ATXN8OS: variants seen among roughly 807,000 people sequenced by gnomAD.
ATXN8OS encodes the protein ATXN8 opposite strand lncRNA.
chr13:70,152,347 CTGTG>C (rs10556377), intron 4 of ATXN8OS, among the ~76,000 whole-genome samples: 8,395 of 151,262 alleles, frequency 0.055, 437 homozygotes, highest in East Asian at 0.29. Context: ...CACTCTGTAC[CTGTG>C]TGTGTGTGTA....
intron 4 of ATXN8OS, among the ~76,000 whole-genome samples, chr13:70,149,130 T>G (rs1316898057): frequency 6.6e-6 from 1 of 152,146 alleles, no homozygotes; most frequent in African/African-American, 2.4e-5. Flanking sequence ...AATTTAATAT[T>G]AATTGTTTTG....
intron 4 of ATXN8OS, among the ~76,000 whole-genome samples, chr13:70,162,157 G>A: frequency 6.6e-6 from 1 of 152,068 alleles, no homozygotes; most frequent in East Asian, 1.9e-4. Context: ...CCTCTAATAA[G>A]TACATACGCT....
At chr13:70,145,407 T>A (rs1888768519) in intron 3 of ATXN8OS, among the ~76,000 whole-genome samples, 8 of 151,624 alleles carry the variant, frequency 5.3e-5, no homozygotes, top group Admixed American at 3.9e-4. Context: ...GGTAGCTTGA[T>A]GGGGATGGCA....
At chr13:70,107,902 T>A (rs929672585) in exon 1 of ATXN8OS, 2 of 523,520 alleles carry the variant, frequency 3.8e-6, no homozygotes, top group Non-Finnish European at 6.6e-6. Flanking sequence ...GTTTCAGCCG[T>A]GGTCGGGTCC....
chr13:70,131,977 C>A lies in ATXN8OS; in HGVS notation n.499+2093C>A, dbSNP rs536373642. ...TCTAAACACGTTTGCATGGCACATA[C>A]CTATATGTGTTCCAAATAGATAACA... On this transcript the variant is annotated intron_variant and non_coding_transcript_variant, in intron 3 of 4. Coordinates refer to ENST00000678624, the Ensembl canonical transcript of ATXN8OS. Among the ~76,000 whole-genome samples, 7 of 152,210 alleles carry A rather than the reference C, an allele frequency of 4.6e-5. No individual in the cohort carries two copies. In the South Asian group the frequency reaches 1.5e-3, roughly 32 times the overall value.
chr13:70,144,521 A>G (rs188860228), intron 3 of ATXN8OS, among the ~76,000 whole-genome samples: 1 of 152,260 alleles, frequency 6.6e-6, no homozygotes, highest in Admixed American at 6.5e-5. Context: ...AATTCAATCA[A>G]TGTTTTCAGT....
chr13:70,136,857 T>G (rs2137487999), intron 3 of ATXN8OS, among the ~76,000 whole-genome samples: 1 of 152,300 alleles, frequency 6.6e-6, no homozygotes, highest in Non-Finnish European at 1.5e-5. Context: ...TGAACAGAAC[T>G]ACTTAAAACT....
rs1437418822 is a variant in ATXN8OS at position 70,146,665 on chromosome 13, C to CA, written n.500-684dup. On this transcript the variant is annotated intron_variant and non_coding_transcript_variant, in intron 3 of 4. Transcript: ENST00000678624. ...CATTCTCAGCAAACTATCACAAGGA[C>CA]AAAAAACCAAACACTGCATGTTCTC... Among the ~76,000 whole-genome samples the CA allele has an allele frequency of 5.5e-4, 81 of 146,666 alleles. 3 individuals carry two copies. The highest frequency in any genetic ancestry group is 5.0e-3 in the Admixed American group (71 of 14,244).
chr13:70,154,332 AATTC>A (rs1380765328), intron 4 of ATXN8OS, among the ~76,000 whole-genome samples: 3 of 152,144 alleles, frequency 2.0e-5, no homozygotes, highest in African/African-American at 2.4e-5. Context: ...ATTTCTACCC[AATTC>A]CAACTCCATC....
intron 3 of ATXN8OS, among the ~76,000 whole-genome samples, chr13:70,133,231 C>A (rs538011465): frequency 6.6e-6 from 1 of 152,050 alleles, no homozygotes. Context: ...CATGGTGAGA[C>A]CTTGTGTCTA....
At chr13:70,138,875 T>C (rs757123777) in intron 3 of ATXN8OS, among the ~76,000 whole-genome samples, 3 of 152,150 alleles carry the variant, frequency 2.0e-5, no homozygotes, top group Non-Finnish European at 4.4e-5. Flanking sequence ...CAAGTAGTTA[T>C]AGTGGTTGAT....
intron 3 of ATXN8OS, among the ~76,000 whole-genome samples, chr13:70,146,279 G>A (rs201388721): frequency 0.055 from 7,926 of 143,808 alleles, 311 homozygotes; most frequent in East Asian, 0.24. Flanking sequence ...TGCTGGAGAG[G>A]ATGTGGAGAA....
chr13:70,151,444 T>C (rs1243174296), intron 4 of ATXN8OS, among the ~76,000 whole-genome samples: 4 of 152,094 alleles, frequency 2.6e-5, no homozygotes, highest in Non-Finnish European at 5.9e-5. Context: ...GGTTCATCTA[T>C]TTTTGCTGTA....
chr13:70,161,350 AT>A (rs1566619148), intron 4 of ATXN8OS, among the ~76,000 whole-genome samples: 1 of 152,032 alleles, frequency 6.6e-6, no homozygotes. Flanking sequence ...ATTAACATAA[AT>A]TTTTTTCACC....
chr13:70,162,187 T>C (rs1487267267), intron 4 of ATXN8OS, among the ~76,000 whole-genome samples: 1 of 152,144 alleles, frequency 6.6e-6, no homozygotes, highest in South Asian at 2.1e-4. Flanking sequence ...TTTGAAGACG[T>C]TGCATTTCTT....
chr13:70,140,718 C>T lies in ATXN8OS; in HGVS notation n.500-6637C>T, dbSNP rs113369315. Reference sequence around the variant, plus strand: ...GATGAACTTTCTTTGTTTTTCTATGCATGTGGTGAAAAATGGTTTTATATC... The same window carrying T: ...GATGAACTTTCTTTGTTTTTCTATGTATGTGGTGAAAAATGGTTTTATATC... On this transcript the variant is annotated intron_variant and non_coding_transcript_variant, in intron 3 of 4. Transcript: ENST00000678624. Among the ~76,000 whole-genome samples the T allele has an allele frequency of 1.4e-4, 21 of 152,016 alleles. 1 individual carries two copies. The highest frequency in any genetic ancestry group is 5.1e-4 in the African/African-American group (21 of 41,506).
At chr13:70,167,723 C>CTTT (rs4053603) in intron 4 of ATXN8OS, among the ~76,000 whole-genome samples, 15,132 of 61,690 alleles carry the variant, frequency 0.25, 3,913 homozygotes, top group African/African-American at 0.29. Flanking sequence ...TATGTAACTT[C>CTTT]TTTTTTTTTT....
chr13:70,148,660 A>G (rs901329344), intron 4 of ATXN8OS, among the ~76,000 whole-genome samples: 1 of 152,056 alleles, frequency 6.6e-6, no homozygotes, highest in Non-Finnish European at 1.5e-5. Context: ...TTGTTTTACC[A>G]TTTGAAATTC....
chr13:70,162,946 A>G (rs749226051), intron 4 of ATXN8OS, among the ~76,000 whole-genome samples: 1 of 152,032 alleles, frequency 6.6e-6, no homozygotes, highest in Admixed American at 6.6e-5. Flanking sequence ...TGAGCCCAAT[A>G]CTTTGAATCA....
Sources: gnomAD v4.1 joint callset for allele counts (sites outside exome capture counted in the v4.1 genomes callset) on GRCh38, gnomAD v4.1.1 for gene constraint, MANE v1.5 for transcripts, NCBI Gene and HGNC (gene_info 2026-07-23, HGNC 2026-07-21) for gene names.